NALF1: variants seen among roughly 807,000 people sequenced by gnomAD.
The protein encoded by NALF1 is NALCN channel auxiliary factor 1.
Under a neutral mutation model 48.4 loss-of-function variants are expected in NALF1, and 3 were observed. The ratio of observed to expected loss-of-function variants is 0.06; its 90% confidence interval spans 0.03 to 0.16. The LOEUF (loss-of-function observed/expected upper bound fraction) is 0.16. Ranked by LOEUF, NALF1 falls within the 10% of genes least tolerant of loss-of-function variation. NALF1 has a pLI of 1.00. For missense variants in NALF1, 526 were observed against 571.5 expected, an observed-to-expected ratio of 0.92 and a Z score of 0.81; for synonymous variants, 262 against 245.7, an observed-to-expected ratio of 1.07 and a Z score of -0.62.
intron 1 of NALF1, among the ~76,000 whole-genome samples, chr13:107,332,393 G>GA (rs1467101733): frequency 6.6e-6 from 1 of 152,188 alleles, no homozygotes; most frequent in African/African-American, 2.4e-5. Context: ...AGCAGGAGTA[G>GA]AAAAATACAA....
chr13:107,455,989 T>C (rs1481278807), intron 1 of NALF1, among the ~76,000 whole-genome samples: 1 of 152,214 alleles, frequency 6.6e-6, no homozygotes, highest in Non-Finnish European at 1.5e-5. Flanking sequence ...AACATTTGTT[T>C]ACAGGTTTTC....
chr13:107,558,734 T>C (rs1438811348), intron 1 of NALF1, among the ~76,000 whole-genome samples: 1 of 152,130 alleles, frequency 6.6e-6, no homozygotes, highest in Non-Finnish European at 1.5e-5. Flanking sequence ...CCAGAGAGAT[T>C]AGCATTTTAC....
chr13:107,543,300 C>G (rs1325610675), intron 1 of NALF1, among the ~76,000 whole-genome samples: 1 of 151,596 alleles, frequency 6.6e-6, no homozygotes, highest in Non-Finnish European at 1.5e-5. Context: ...TTCATTTAGC[C>G]CACTTTATAT....
At chr13:107,744,465 G>A (rs1325141158) in intron 1 of NALF1, among the ~76,000 whole-genome samples, 1 of 152,140 alleles carries the variant, frequency 6.6e-6, no homozygotes, top group East Asian at 1.9e-4. Flanking sequence ...TTAAAATAAA[G>A]AATTGACCAA....
chr13:107,599,447 A>G (rs577838018), intron 1 of NALF1, among the ~76,000 whole-genome samples: 2 of 151,062 alleles, frequency 1.3e-5, no homozygotes, highest in Non-Finnish European at 2.9e-5. Flanking sequence ...AAATAACATT[A>G]TTAGGGTATG....
chr13:107,242,248 C>T (rs986798610), intron 1 of NALF1, among the ~76,000 whole-genome samples: 8 of 152,210 alleles, frequency 5.3e-5, no homozygotes, highest in Non-Finnish European at 7.3e-5. Flanking sequence ...TCCTCCTCCT[C>T]TCCCGTTTCC....
chr13:107,504,466 G>A (rs1005750591), intron 1 of NALF1, among the ~76,000 whole-genome samples: 3 of 152,080 alleles, frequency 2.0e-5, no homozygotes, highest in African/African-American at 2.4e-5. Context: ...CGATAGATAT[G>A]TTAATCTGAT....
intron 1 of NALF1, among the ~76,000 whole-genome samples, chr13:107,435,460 A>C (rs547814058): frequency 6.6e-6 from 1 of 152,264 alleles, no homozygotes; most frequent in South Asian, 2.1e-4. Flanking sequence ...TCAGCGGTGA[A>C]TCTGTTTCTT....
intron 1 of NALF1, among the ~76,000 whole-genome samples, chr13:107,815,445 C>G (rs988259704): frequency 6.6e-6 from 1 of 151,982 alleles, no homozygotes; most frequent in Non-Finnish European, 1.5e-5. Flanking sequence ...AGATAAAAAT[C>G]AAAACCTAAA....
chr13:107,782,389 A>T (rs1478888321), intron 1 of NALF1, among the ~76,000 whole-genome samples: 1 of 151,986 alleles, frequency 6.6e-6, no homozygotes. Context: ...CAGTGGCGTG[A>T]TCTCGGCTCG....
In NALF1 at chr13:107,866,901, A is replaced by G. The variant is rs1033811221; in HGVS notation, c.-305T>C. On this transcript the variant is annotated 5_prime_UTR_variant, in exon 1 of 3. Coordinates refer to ENST00000375915, the MANE Select transcript of NALF1 (RefSeq NM_001080396.3). The surrounding 1 kb of genome is among the most constrained non-coding windows in gnomAD (Gnocchi z 4.4). ...TCTGTAGAGTGGGAAACAATAATGG[A>G]GAGAGAGAGAGAGAGAGAGACGGAG... Among the ~76,000 whole-genome samples the G allele has an allele frequency of 1.3e-5, 1 of 76,630 alleles. No individual in the cohort carries two copies. Among genetic ancestry groups the G allele is most frequent in the Non-Finnish European group, 4.6e-5 (1 of 21,900 alleles). The allele number at this position is 76,630 out of a possible 152,430, so 50.3% of individuals were successfully genotyped here.
chr13:107,817,773 G>T (rs1237211651), intron 1 of NALF1, among the ~76,000 whole-genome samples: 3 of 152,046 alleles, frequency 2.0e-5, no homozygotes, highest in Non-Finnish European at 4.4e-5. Context: ...CCACATCACT[G>T]CCAGCTCCTC....
At chr13:107,445,156 AT>A (rs1359513758) in intron 1 of NALF1, among the ~76,000 whole-genome samples, 2 of 152,152 alleles carry the variant, frequency 1.3e-5, no homozygotes, top group African/African-American at 4.8e-5. Flanking sequence ...ATGCAATTCC[AT>A]CACTTGTGTA....
intron 1 of NALF1, among the ~76,000 whole-genome samples, chr13:107,611,050 G>A (rs1048062212): frequency 1.3e-5 from 2 of 152,214 alleles, no homozygotes; most frequent in East Asian, 1.9e-4. Context: ...CCGTGCTACA[G>A]TCTAGATATC....
chr13:107,865,715 C>G lies in NALF1; in HGVS notation c.882G>C (p.Glu294Asp). Residue 294 changes from glutamate (E) to aspartate (D), a missense_variant, in exon 1 of 3, where the codon GAG becomes GAC. Physicochemically the swap from Glu to Asp is conservative, Grantham distance 45. This residue lies in a region of NALF1 where 153 missense variants were observed against 215.9 expected (regional missense o/e 0.71). Coordinates refer to ENST00000375915, the MANE Select transcript of NALF1 (RefSeq NM_001080396.3). The part of the protein sequence containing the change: ...SVLHKYLQSE[E>D]YSVKSCPEDC... ...CTTCAGGACAGGATTTCACCGAGTA[C>G]TCCTCCGACTGTAAATATTTGTGGA... 6.2e-7 allele frequency: 1 copy of G among 1,614,070 alleles called. No individual in the cohort carries two copies. The highest frequency in any genetic ancestry group is 8.5e-7 in the Non-Finnish European group (1 of 1,179,982).
At chr13:107,668,478 C>T (rs1190945684) in intron 1 of NALF1, among the ~76,000 whole-genome samples, 3 of 151,992 alleles carry the variant, frequency 2.0e-5, no homozygotes, top group Non-Finnish European at 2.9e-5. Context: ...AGGGAACCCA[C>T]TACTGAGAAA....
intron 1 of NALF1, among the ~76,000 whole-genome samples, chr13:107,498,373 C>G (rs1875407838): frequency 6.6e-6 from 1 of 152,196 alleles, no homozygotes; most frequent in Admixed American, 6.5e-5. Flanking sequence ...AGATTAAGAA[C>G]AATTTATGTT....
At chr13:107,503,054 A>T (rs2139079874) in intron 1 of NALF1, among the ~76,000 whole-genome samples, 1 of 152,222 alleles carries the variant, frequency 6.6e-6, no homozygotes, top group African/African-American at 2.4e-5. Context: ...TATGTTTACC[A>T]CCAAGCTCAA....
At chr13:107,482,502 G>A (rs967569811) in intron 1 of NALF1, among the ~76,000 whole-genome samples, 1 of 152,130 alleles carries the variant, frequency 6.6e-6, no homozygotes, top group Non-Finnish European at 1.5e-5. Context: ...AGTTTGGTGA[G>A]CATTGGAATT....
Sources: allele counts gnomAD v4.1 joint callset (sites outside exome capture counted in the v4.1 genomes callset), GRCh38; gene constraint gnomAD v4.1.1; regional missense constraint gnomAD v4.1.1; non-coding constraint Gnocchi (gnomAD v3.1); transcripts MANE v1.5; gene names NCBI Gene and HGNC (gene_info 2026-07-23, HGNC 2026-07-21).